Variants in SPAG17 observed in about 807,000 individuals in gnomAD.
SPAG17 encodes sperm associated antigen 17, also known as sperm-associated antigen 17.
SPAG17 carries 169 observed loss-of-function variants against 273.6 expected under a neutral mutation model. That is an observed-to-expected ratio of 0.62 (90% CI 0.55 to 0.70). SPAG17 has a LOEUF of 0.70. Among genes scored for constraint, SPAG17 ranks in the 30% least tolerant of loss-of-function variants. The pLI is 0.00. For missense variants in SPAG17, 2,557 were observed against 2,627.8 expected (o/e 0.97, Z 0.59); for synonymous variants, 825 against 873.2 (o/e 0.94, Z 0.97).
chr1:118,169,664 T>C (rs1217538926), intron 1 of SPAG17, among the ~76,000 whole-genome samples: 4 of 152,302 alleles, frequency 2.6e-5, no homozygotes, highest in African/African-American at 9.6e-5. Flanking sequence ...AACTCTTCCT[T>C]CCCAAATCCT....
intron 7 of SPAG17, among the ~76,000 whole-genome samples, chr1:118,093,604 G>A (rs1301495311): frequency 6.6e-6 from 1 of 152,180 alleles, no homozygotes; most frequent in Non-Finnish European, 1.5e-5. Flanking sequence ...ATATAACTGA[G>A]TCATGAGTTT....
chr1:118,080,369 G>A (rs1301584167), intron 15 of SPAG17, among the ~76,000 whole-genome samples: 1 of 152,180 alleles, frequency 6.6e-6, no homozygotes, highest in African/African-American at 2.4e-5. Context: ...AGATTGAAAA[G>A]AGCAGGCTGT....
In SPAG17 at chr1:118,184,932, TG is replaced by T. The variant is rs147998271; in HGVS notation, c.87+138del. On this transcript the variant is annotated intron_variant, in intron 1 of 48. Transcript: ENST00000336338. Reference sequence around the variant, plus strand: ...TCGTTTATCAAGCACTTCCTGTCCCTGGGACCCTGGGTCCTGGAACCATCAG... The same window carrying T: ...TCGTTTATCAAGCACTTCCTGTCCCTGGACCCTGGGTCCTGGAACCATCAG... 1,300 of 727,168 alleles carry T rather than the reference TG, an allele frequency of 1.8e-3. 10 individuals are homozygous for T. The African/African-American group carries it at 0.021, about 12-fold the overall frequency. The allele number at this position is 727,168 out of a possible 1,614,324, so 45.0% of individuals were successfully genotyped here. A position where few individuals can be genotyped will look rare whatever the true frequency, so the allele number is the denominator to read the frequency against.
chr1:118,005,228 T>C (rs568116965), intron 32 of SPAG17, among the ~76,000 whole-genome samples, 186 bp downstream of exon 32: 1 of 152,330 alleles, frequency 6.6e-6, no homozygotes, highest in South Asian at 2.1e-4. Flanking sequence ...CCATTCTCCA[T>C]GAAAGTACAC....
At chr1:117,978,321 C>G (rs1386864722) in intron 43 of SPAG17, among the ~76,000 whole-genome samples, 6 of 152,216 alleles carry the variant, frequency 3.9e-5, no homozygotes, top group Admixed American at 3.9e-4. Flanking sequence ...TCCCTACTCT[C>G]TCTCTTCTCT....
intron 3 of SPAG17, among the ~76,000 whole-genome samples, chr1:118,149,513 A>G (rs925067688): frequency 5.3e-5 from 8 of 152,354 alleles, no homozygotes; most frequent in African/African-American, 1.9e-4. Context: ...CATTCGGAAC[A>G]TTATAAAAAA....
intron 3 of SPAG17, among the ~76,000 whole-genome samples, chr1:118,123,287 C>T (rs1271409332): frequency 6.6e-6 from 1 of 151,982 alleles, no homozygotes; most frequent in Non-Finnish European, 1.5e-5. Flanking sequence ...AATTCACATT[C>T]TTTAAGTAAT....
intron 1 of SPAG17, among the ~76,000 whole-genome samples, chr1:118,151,826 G>A (rs1659401015): frequency 6.6e-6 from 1 of 152,150 alleles, no homozygotes; most frequent in Non-Finnish European, 1.5e-5. Context: ...CATATTGGAT[G>A]AGCTGCCAAA....
intron 1 of SPAG17, among the ~76,000 whole-genome samples, chr1:118,166,317 G>A (rs887545424): frequency 1.3e-5 from 2 of 152,142 alleles, no homozygotes; most frequent in Admixed American, 6.5e-5. Flanking sequence ...CATTTTACAA[G>A]TTTCTGTATG....
intron 29 of SPAG17, 69 bp downstream of exon 29, chr1:118,015,896 C>T: frequency 7.4e-7 from 1 of 1,357,234 alleles, no homozygotes; most frequent in Non-Finnish European, 1.0e-6. Context: ...CAGCTAGGCA[C>T]TCTTTTGGGT....
intron 24 of SPAG17, among the ~76,000 whole-genome samples, chr1:118,035,024 GC>G (rs1648918025): frequency 6.6e-6 from 1 of 151,976 alleles, no homozygotes; most frequent in Non-Finnish European, 1.5e-5. Context: ...GTTTAGCTGT[GC>G]CTACCCAATT....
intron 18 of SPAG17, among the ~76,000 whole-genome samples, chr1:118,064,925 T>A (rs1652802020): frequency 6.6e-6 from 1 of 151,748 alleles, no homozygotes; most frequent in African/African-American, 2.4e-5. Flanking sequence ...GATTTTAATT[T>A]AAGAAGTTAA....
At position 118,027,310 on chromosome 1, in the gene SPAG17, C is replaced by A. The variant is rs1028906566; in HGVS notation, c.3730+964G>T. ...AAGGAGAAGCGAAATTTAACTTCAACATTTAGTTTCTGCTTTTTTGCGGGG... is the reference window on the plus strand; with the variant it reads ...AAGGAGAAGCGAAATTTAACTTCAAAATTTAGTTTCTGCTTTTTTGCGGGG... On this transcript the variant is annotated intron_variant, in intron 26 of 48. Transcript: ENST00000336338. Among the ~76,000 whole-genome samples, 6 of 152,232 alleles carry A rather than the reference C, an allele frequency of 3.9e-5. No individual in the cohort carries two copies. In the East Asian group the frequency reaches 1.2e-3, roughly 29 times the overall value.
intron 18 of SPAG17, among the ~76,000 whole-genome samples, chr1:118,061,545 T>C (rs1652293323): frequency 6.6e-6 from 1 of 152,162 alleles, no homozygotes; most frequent in African/African-American, 2.4e-5. Flanking sequence ...TATGGGTGTA[T>C]GGAATTGTTT....
chr1:118,168,962 G>A (rs1193079330), intron 1 of SPAG17, among the ~76,000 whole-genome samples: 1 of 152,132 alleles, frequency 6.6e-6, no homozygotes, highest in Non-Finnish European at 1.5e-5. Flanking sequence ...GCCACATTAG[G>A]CAGAGCTGTG....
chr1:118,137,129 A>G (rs1658413337), intron 3 of SPAG17, among the ~76,000 whole-genome samples: 1 of 152,272 alleles, frequency 6.6e-6, no homozygotes, highest in Non-Finnish European at 1.5e-5. Context: ...ATGCAACAAG[A>G]GTAGCTCTTC....
At chr1:118,168,336 C>T (rs1304700664) in intron 1 of SPAG17, among the ~76,000 whole-genome samples, 1 of 151,940 alleles carries the variant, frequency 6.6e-6, no homozygotes, top group Non-Finnish European at 1.5e-5. Context: ...ATCTAGATGC[C>T]TTTAATTCTT....
intron 17 of SPAG17, among the ~76,000 whole-genome samples, chr1:118,067,363 A>G (rs78432023): frequency 0.018 from 2,697 of 152,266 alleles, 76 homozygotes; most frequent in African/African-American, 0.062. Flanking sequence ...GCTTTGGGAA[A>G]GTAATTAGGT....
intron 15 of SPAG17, among the ~76,000 whole-genome samples, chr1:118,079,259 A>G (rs867551604): frequency 6.6e-6 from 1 of 152,118 alleles, no homozygotes; most frequent in Middle Eastern, 3.4e-3. Context: ...ATATAAGACT[A>G]CTCAGGTTTT....
Sources: gnomAD v4.1 joint callset for allele counts (sites outside exome capture counted in the v4.1 genomes callset) on GRCh38, gnomAD v4.1.1 for gene constraint, MANE v1.5 for transcripts, NCBI Gene and HGNC (gene_info 2026-07-23, HGNC 2026-07-21) for gene names.